MYOM2: variants seen among roughly 807,000 people sequenced by gnomAD.
MYOM2 encodes myomesin 2, also known as myomesin-2.
MYOM2 carries 254 observed loss-of-function variants against 187.6 expected under a neutral mutation model. The observed-to-expected ratio is 1.35, with a 90% CI of 1.22 to 1.50. The LOEUF is 1.50. Ranked by LOEUF, MYOM2 falls within the 40% of genes most tolerant of loss-of-function variation. MYOM2 has a pLI of 0.00. For synonymous variants in MYOM2, 981 were observed against 753.8 expected, an observed-to-expected ratio of 1.30 and a Z score of -4.94; for missense variants, 2,796 against 1,924.0, an observed-to-expected ratio of 1.45 and a Z score of -8.48.
chr8:2,096,477 T>C lies in MYOM2; in HGVS notation c.2313+43T>C, dbSNP rs376797934. On this transcript the variant is annotated intron_variant, in intron 18 of 36. Transcript: ENST00000262113. ...CCTTCGTCTATTTTTGCCTGGGTGG[T>C]TCTTTACATTTTTGGCAATGTTTCT... The C allele has an allele frequency of 5.7e-6, 9 of 1,585,080 alleles. No homozygotes were observed. In the African/African-American group the frequency reaches 1.1e-4, roughly 19 times the overall value.
At chr8:2,138,523 C>G (rs1422378804) in intron 32 of MYOM2, among the ~76,000 whole-genome samples, 4 of 152,186 alleles carry the variant, frequency 2.6e-5, no homozygotes, top group Admixed American at 6.5e-5. Flanking sequence ...GAAAAGGGAG[C>G]TAATTAACAT....
rs774481321 is a variant in MYOM2 at position 2,057,467 on chromosome 8, A to G, written c.383A>G (p.Lys128Arg). The change falls in exon 4 of 37, where the codon AAA becomes AGA. Residue 128 changes from lysine to arginine, a missense_variant. Lys to Arg is a conservative substitution (Grantham distance 26, BLOSUM62 2). Coordinates refer to ENST00000262113, the MANE Select transcript of MYOM2 (RefSeq NM_003970.4). ...TCCCAGGCCCGCGACAAGCTGGACA[A>G]ATACGCCATTCAGCAGATGGTAGGA... ...ARSQARDKLD[K>R]YAIQQMMEDK... 1 of 1,614,094 alleles carries G rather than the reference A, an allele frequency of 6.2e-7. No individual in the cohort carries two copies. The highest frequency in any genetic ancestry group is 8.5e-7 in the Non-Finnish European group (1 of 1,179,990).
chr8:2,142,299 C>G, intron 34 of MYOM2, 76 bp from the exon 35 acceptor site: 3 of 1,401,654 alleles, frequency 2.1e-6, no homozygotes, highest in Middle Eastern at 3.5e-4. Context: ...GTGAGCCTCT[C>G]AGCTGTGCAT....
intron 1 of MYOM2, among the ~76,000 whole-genome samples, chr8:2,046,052 A>G (rs148900325): frequency 5.4e-4 from 83 of 152,348 alleles, no homozygotes; most frequent in African/African-American, 1.3e-3. Flanking sequence ...TTGTCTTGGG[A>G]GCCAAGGGCT....
chr8:2,071,028 T>G (rs1457062921), intron 8 of MYOM2, among the ~76,000 whole-genome samples: 1 of 152,160 alleles, frequency 6.6e-6, no homozygotes, highest in Non-Finnish European at 1.5e-5. Context: ...AGTGCAGTGG[T>G]GCGATCTTGG....
At chr8:2,129,281 C>T in intron 32 of MYOM2, 49 bp downstream of exon 32, 1 of 1,303,574 alleles carries the variant, frequency 7.7e-7, no homozygotes, top group East Asian at 2.3e-5. Context: ...TGGGGCTGTC[C>T]AGGGCGCACA....
At chr8:2,116,151 G>T (rs1319764399) in intron 26 of MYOM2, 47 bp downstream of exon 26, 1 of 1,602,458 alleles carries the variant, frequency 6.2e-7, no homozygotes, top group Non-Finnish European at 8.5e-7. Context: ...TAATTCAAAT[G>T]AAATTCTTTT....
chr8:2,141,363 A>G (rs1193074087), intron 34 of MYOM2, among the ~76,000 whole-genome samples, 186 bp downstream of exon 34: 1 of 152,244 alleles, frequency 6.6e-6, no homozygotes, highest in Non-Finnish European at 1.5e-5. Flanking sequence ...CCAGAAATGC[A>G]TTTATAAACG....
Position 2,090,197 on chromosome 8 carries a change from C to A in MYOM2, c.1828+6C>A. The A allele has an allele frequency of 2.5e-6, 4 of 1,609,606 alleles. No homozygotes were observed. The highest frequency in any genetic ancestry group is 3.4e-6 in the Non-Finnish European group (4 of 1,176,636). On this transcript the variant is annotated splice_donor_region_variant and intron_variant, in intron 15 of 36. Coordinates refer to ENST00000262113, the MANE Select transcript of MYOM2 (RefSeq NM_003970.4). ...TCAGGCCCAGGATGTGACCGGTGAG[C>A]TGTCACACTGGGTGGCCCCAAGTCA...
In MYOM2 at chr8:2,096,374, A is replaced by G. The variant is rs757843351; in HGVS notation, c.2253A>G (p.Glu751=). Reference sequence around the variant, plus strand: ...TGGGCTACTACCTGGACAAGCGTGAAGTTCACCATAAAAACTGGCACGAGG... The same window carrying G: ...TGGGCTACTACCTGGACAAGCGTGAGGTTCACCATAAAAACTGGCACGAGG... The part of the protein sequence containing the change: ...PILGYYLDKR[E]VHHKNWHEVN... The change falls in exon 18 of 37, where the codon GAA becomes GAG. Residue 751 remains glutamate, a synonymous_variant. Coordinates refer to ENST00000262113, the MANE Select transcript of MYOM2 (RefSeq NM_003970.4). 9 of 1,614,120 alleles carry G rather than the reference A, an allele frequency of 5.6e-6. No individual in the cohort carries two copies. In the South Asian group the frequency reaches 9.9e-5, roughly 18 times the overall value.
chr8:2,075,297 T>C (rs1007630915), intron 10 of MYOM2, among the ~76,000 whole-genome samples: 6 of 151,966 alleles, frequency 3.9e-5, no homozygotes, highest in African/African-American at 1.5e-4. Context: ...CTCCGCCCCA[T>C]AAAAAGGCAA....
At position 2,059,256 on chromosome 8, in the gene MYOM2, G is replaced by T; in HGVS notation, c.653+11G>T. 6.2e-7 allele frequency: 1 copy of T among 1,612,614 alleles called. No homozygotes were observed. Among genetic ancestry groups the T allele is most frequent in the Non-Finnish European group, 8.5e-7 (1 of 1,178,862 alleles). On this transcript the variant is annotated intron_variant, in intron 6 of 36. Coordinates refer to ENST00000262113, the MANE Select transcript of MYOM2 (RefSeq NM_003970.4). The stretch of plus-strand genomic sequence containing the variant: ...ACTGGAGATCAACAGGTATGGCTGT[G>T]GTGGGGGCTCTGGACGCTGGCGTCC...
At chr8:2,055,726 G>T (rs1818641498) in intron 3 of MYOM2, among the ~76,000 whole-genome samples, 1 of 152,182 alleles carries the variant, frequency 6.6e-6, no homozygotes, top group Non-Finnish European at 1.5e-5. Context: ...TCGGAGCCGT[G>T]TGGGGTTGTG....
intron 28 of MYOM2, among the ~76,000 whole-genome samples, chr8:2,119,768 T>C (rs1183808898): frequency 4.0e-5 from 6 of 150,738 alleles, no homozygotes; most frequent in Non-Finnish European, 8.9e-5. Flanking sequence ...GGGGAGCACA[T>C]GGGGACACAG....
At chr8:2,067,110 A>T (rs987568789) in intron 6 of MYOM2, among the ~76,000 whole-genome samples, 13 of 152,214 alleles carry the variant, frequency 8.5e-5, no homozygotes, top group South Asian at 2.1e-4. Flanking sequence ...CTCAGTAGAT[A>T]GCACAGTTCT....
At chr8:2,112,601 G>T (rs191654238) in intron 25 of MYOM2, among the ~76,000 whole-genome samples, 2 of 152,234 alleles carry the variant, frequency 1.3e-5, no homozygotes, top group Non-Finnish European at 2.9e-5. Flanking sequence ...TGAATGTCAG[G>T]CAGAAGAACT....
In MYOM2 at chr8:2,069,140, A is replaced by G. The variant is rs951420128; in HGVS notation, c.654-138A>G. ...TCACCTTTCCAAGGACAGAGCTGGC[A>G]TTGTTCTTGCACAAATCACTCATGA... On this transcript the variant is annotated intron_variant, in intron 6 of 36. Transcript: ENST00000262113. The G allele has an allele frequency of 1.2e-5, 9 of 757,306 alleles. No individual in the cohort carries two copies. The African/African-American group carries it at 1.6e-4, about 13-fold the overall frequency. The allele number at this position is 757,306 out of a possible 1,614,324, so 46.9% of individuals were successfully genotyped here. A position where few individuals can be genotyped will look rare whatever the true frequency, so the allele number is the denominator to read the frequency against.
rs1173406834 is a variant in MYOM2, at chr8:2,142,513, T to C, written c.4024+116T>C. ...AATAATAACCAGCAATCCCCCACCCTGATGTAACAACGCCACCAACACCAC... is the reference window on the plus strand; with the variant it reads ...AATAATAACCAGCAATCCCCCACCCCGATGTAACAACGCCACCAACACCAC... On this transcript the variant is annotated intron_variant, in intron 35 of 36. Transcript: ENST00000262113. 4.7e-5 allele frequency: 48 copies of C among 1,029,668 alleles called. No homozygotes were observed. In the South Asian group the frequency reaches 6.2e-4, roughly 13 times the overall value. The allele number at this position is 1,029,668 out of a possible 1,614,324, so 63.8% of individuals were successfully genotyped here. A position where few individuals can be genotyped will look rare whatever the true frequency, so the allele number is the denominator to read the frequency against.
chr8:2,114,018 T>C (rs73169410), intron 25 of MYOM2, among the ~76,000 whole-genome samples: 115,073 of 152,102 alleles, frequency 0.76, 43,605 homozygotes, highest in Admixed American at 0.81. Context: ...CAGGGTGCTA[T>C]TGGGGGAAGG....
Sources: allele counts gnomAD v4.1 joint callset (sites outside exome capture counted in the v4.1 genomes callset), GRCh38; gene constraint gnomAD v4.1.1; transcripts MANE v1.5; gene names NCBI Gene and HGNC (gene_info 2026-07-23, HGNC 2026-07-21).